Variants in MBNL1 observed in about 807,000 individuals in gnomAD.
MBNL1 encodes muscleblind like splicing regulator 1.
A neutral mutation model predicts 42.2 loss-of-function variants in MBNL1; 8 were observed. That is an observed-to-expected ratio of 0.19 (90% confidence interval 0.11 to 0.34). The LOEUF (loss-of-function observed/expected upper bound fraction) is 0.34, where lower values mean the gene tolerates loss of function less well. Ranked by LOEUF, MBNL1 falls within the 10% of genes least tolerant of loss-of-function variation. The pLI is 1.00. For missense variants in MBNL1, 309 were observed against 495.3 expected, an observed-to-expected ratio of 0.62 and a Z score of 3.57; for synonymous variants, 169 against 173.9, an observed-to-expected ratio of 0.97 and a Z score of 0.22.
At position 152,459,345 on chromosome 3, in the gene MBNL1, A is replaced by C; in HGVS notation, c.*18A>C. The C allele has an allele frequency of 6.5e-7, 1 of 1,532,630 alleles. No individual in the cohort carries two copies. The allele number at this position is 1,532,630 out of a possible 1,614,324, so 94.9% of individuals were successfully genotyped here. A position where few individuals can be genotyped will look rare whatever the true frequency, so the allele number is the denominator to read the frequency against. ...AGATGTAGAATTTTCATCACTAAAC[A>C]GTAAGTTCATTATGTAATATATAGT... On this transcript the variant is annotated splice_region_variant and 3_prime_UTR_variant, in exon 9 of 10. Coordinates refer to ENST00000324210, the MANE Select transcript of MBNL1 (RefSeq NM_021038.5).
In MBNL1 at chr3:152,376,546, C is replaced by G. The variant is rs1399039491; in HGVS notation, c.175-38395C>G. Reference sequence around the variant, plus strand: ...GTTTATGGTGGACAAGACTTGCTGACTAATGGTTGTTGGAAATTTTCCATT... The same window carrying G: ...GTTTATGGTGGACAAGACTTGCTGAGTAATGGTTGTTGGAAATTTTCCATT... On this transcript the variant is annotated intron_variant, in intron 2 of 9. Coordinates refer to ENST00000324210, the MANE Select transcript of MBNL1 (RefSeq NM_021038.5). Among the ~76,000 whole-genome samples the G allele has an allele frequency of 4.6e-5, 7 of 152,196 alleles. No individual in the cohort carries two copies. In the South Asian group the frequency reaches 8.3e-4, roughly 18 times the overall value.
rs565204721 is a variant in MBNL1, at chr3:152,280,933, A to G, written c.-790+11841A>G. On this transcript the variant is annotated intron_variant, in intron 1 of 9. Coordinates refer to ENST00000324210, the MANE Select transcript of MBNL1 (RefSeq NM_021038.5). ...AGCCCATTACATATAAAGTTTTACT[A>G]TAAGATTTTAATTGAAATTTTTAAG... Among the ~76,000 whole-genome samples the G allele has an allele frequency of 2.6e-5, 4 of 152,232 alleles. No individual in the cohort carries two copies. The South Asian group carries it at 6.2e-4, about 24-fold the overall frequency.
At chr3:152,338,486 C>G (rs954751140) in intron 2 of MBNL1, 7 of 985,268 alleles carry the variant, frequency 7.1e-6, no homozygotes, top group African/African-American at 1.7e-5. Flanking sequence ...GCTTCCCAAG[C>G]TTTGGCTGTG....
intron 9 of MBNL1, among the ~76,000 whole-genome samples, chr3:152,461,945 A>G (rs1746755878): frequency 6.6e-6 from 1 of 152,202 alleles, no homozygotes; most frequent in Non-Finnish European, 1.5e-5. Context: ...ATGCTAATCA[A>G]GCACCCAAAA....
chr3:152,278,322 T>C (rs1041591772), intron 1 of MBNL1, among the ~76,000 whole-genome samples: 6 of 152,100 alleles, frequency 3.9e-5, no homozygotes, highest in African/African-American at 1.4e-4. Context: ...CAAAAGACTT[T>C]TAAGAGGTTT....
Position 152,300,079 on chromosome 3 carries a change from T to C in MBNL1, c.-115T>C. 1.6e-6 allele frequency: 1 copy of C among 616,124 alleles called. No homozygotes were observed. Among genetic ancestry groups the C allele is most frequent in the Non-Finnish European group, 2.8e-6 (1 of 358,154 alleles). 38.2% of individuals were successfully genotyped at this position (616,124 alleles called of 1,614,324 possible). ...AAAGCAGGGAGTGGGGAAAAGTATT[T>C]TGAGGGGACATTTTCATCATCAGTT... On this transcript the variant is annotated 5_prime_UTR_variant, in exon 2 of 10. Coordinates refer to ENST00000324210, the MANE Select transcript of MBNL1 (RefSeq NM_021038.5).
intron 7 of MBNL1, among the ~76,000 whole-genome samples, chr3:152,455,992 T>G (rs1224874256): frequency 2.0e-5 from 3 of 152,216 alleles, no homozygotes; most frequent in Non-Finnish European, 4.4e-5. Context: ...TGTTTTTGAC[T>G]TAGCATATTA....
intron 3 of MBNL1, among the ~76,000 whole-genome samples, chr3:152,416,025 C>G (rs967959269): frequency 2.7e-4 from 41 of 152,220 alleles, no homozygotes; most frequent in African/African-American, 9.9e-4. Flanking sequence ...ATTTATGTCA[C>G]TAGCTTATAT....
intron 2 of MBNL1, among the ~76,000 whole-genome samples, chr3:152,388,750 T>C (rs1176987279): frequency 6.6e-6 from 1 of 152,236 alleles, no homozygotes; most frequent in Non-Finnish European, 1.5e-5. Flanking sequence ...CTGGAAGCTT[T>C]ATTAATGGTA....
chr3:152,422,546 C>T (rs868616519), intron 3 of MBNL1, among the ~76,000 whole-genome samples: 1 of 152,274 alleles, frequency 6.6e-6, no homozygotes, highest in Non-Finnish European at 1.5e-5. Flanking sequence ...ATCAACGAGG[C>T]AGAAAATTAA....
At chr3:152,322,348 C>T (rs1485853568) in intron 2 of MBNL1, among the ~76,000 whole-genome samples, 1 of 151,978 alleles carries the variant, frequency 6.6e-6, no homozygotes, top group Non-Finnish European at 1.5e-5. Flanking sequence ...TTGCCCCATC[C>T]CCAAGATTAA....
chr3:152,411,048 C>T (rs551479478), intron 2 of MBNL1, among the ~76,000 whole-genome samples: 1 of 152,328 alleles, frequency 6.6e-6, no homozygotes, highest in Admixed American at 6.5e-5. Flanking sequence ...TACTAATCTT[C>T]ATACATCACC....
intron 2 of MBNL1, among the ~76,000 whole-genome samples, chr3:152,363,711 A>G (rs984839509): frequency 6.6e-6 from 1 of 152,246 alleles, no homozygotes; most frequent in East Asian, 1.9e-4. Flanking sequence ...TGATAGTTCC[A>G]TTTTAGAGAG....
At chr3:152,361,416 T>C (rs1479057682) in intron 2 of MBNL1, among the ~76,000 whole-genome samples, 3 of 149,972 alleles carry the variant, frequency 2.0e-5, no homozygotes, top group Middle Eastern at 3.2e-3. Context: ...AGGAATAAAC[T>C]AGGTAGATAA....
chr3:152,456,706 G>A lies in MBNL1; in HGVS notation c.1092+345G>A, dbSNP rs949644637. On this transcript the variant is annotated intron_variant, in intron 8 of 9. Coordinates refer to ENST00000324210, the MANE Select transcript of MBNL1 (RefSeq NM_021038.5). ...CAATCAAAAATAGAGGCCATTTTAA[G>A]GTTTTTATTTAAAATATTTGGTATA... 5.3e-5 allele frequency among the ~76,000 whole-genome samples: 8 copies of A among 152,140 alleles called. No individual in the cohort carries two copies. In the East Asian group the frequency reaches 1.4e-3, roughly 26 times the overall value.
At chr3:152,247,338 A>G (rs1305800714) in intron 2 of MBNL1, among the ~76,000 whole-genome samples, 1 of 152,092 alleles carries the variant, frequency 6.6e-6, no homozygotes, top group Non-Finnish European at 1.5e-5. Flanking sequence ...GCATATTCAC[A>G]TATAATTAAA....
chr3:152,417,994 T>C (rs1216776690), intron 3 of MBNL1, among the ~76,000 whole-genome samples: 2 of 152,210 alleles, frequency 1.3e-5, no homozygotes, highest in Non-Finnish European at 2.9e-5. Context: ...AACACTGGGC[T>C]AACTTGGGGA....
chr3:152,459,899 C>T (rs1328676775), intron 9 of MBNL1, among the ~76,000 whole-genome samples: 1 of 118,810 alleles, frequency 8.4e-6, no homozygotes, highest in Non-Finnish European at 1.9e-5. Context: ...TTTGGCTAAA[C>T]CTTAAATGGG....
chr3:152,436,467 T>G (rs1391445817), intron 4 of MBNL1, among the ~76,000 whole-genome samples: 2 of 152,168 alleles, frequency 1.3e-5, no homozygotes, highest in Non-Finnish European at 2.9e-5. Flanking sequence ...AAGAGGAAAC[T>G]TAAAAATTTT....
Sources: gnomAD v4.1 joint callset for allele counts (sites outside exome capture counted in the v4.1 genomes callset) on GRCh38, gnomAD v4.1.1 for gene constraint, MANE v1.5 for transcripts, NCBI Gene and HGNC (gene_info 2026-07-23, HGNC 2026-07-21) for gene names.